The following KLHL24 variants were observed in gnomAD, a reference collection of about 807,000 sequenced individuals.
KLHL24 encodes kelch like family member 24, also known as kelch-like protein 24.
A neutral mutation model predicts 53.4 loss-of-function variants in KLHL24; 29 were observed. The ratio of observed to expected loss-of-function variants is 0.54; its 90% CI spans 0.40 to 0.74. The LOEUF (loss-of-function observed/expected upper bound fraction) is 0.74. Among genes scored for constraint, KLHL24 ranks in the 30% least tolerant of loss-of-function variants. KLHL24 has a pLI of 0.00. For missense variants in KLHL24, 504 were observed against 744.0 expected, an observed-to-expected ratio of 0.68 and a Z score of 3.75; for synonymous variants, 222 against 253.7, an observed-to-expected ratio of 0.88 and a Z score of 1.19.
At chr3:183,667,116 G>T (rs1169908178) in intron 5 of KLHL24, among the ~76,000 whole-genome samples, 1 of 152,072 alleles carries the variant, frequency 6.6e-6, no homozygotes, top group Non-Finnish European at 1.5e-5. Context: ...CCCCACAGGG[G>T]TTTCTTAAAA....
At chr3:183,678,529 CTTTTA>C (rs1397921202) in intron 7 of KLHL24, among the ~76,000 whole-genome samples, 1 of 147,008 alleles carries the variant, frequency 6.8e-6, no homozygotes, top group African/African-American at 2.6e-5. Flanking sequence ...TTTTTTTTAA[CTTTTA>C]TTTTAAGTTC....
intron 1 of KLHL24, chr3:183,636,597 C>T (rs1402674897): frequency 6.6e-6 from 1 of 152,300 alleles, no homozygotes; most frequent in Non-Finnish European, 1.5e-5. Context: ...TCTGGACACC[C>T]CGGGTGAAGA....
At chr3:183,653,049 AACTT>A (rs1363170792) in intron 3 of KLHL24, among the ~76,000 whole-genome samples, 1 of 152,208 alleles carries the variant, frequency 6.6e-6, no homozygotes, top group African/African-American at 2.4e-5. Flanking sequence ...TACTTCTCCT[AACTT>A]ACTTAATTAT....
chr3:183,669,903 A>G (rs1721109691), intron 5 of KLHL24, among the ~76,000 whole-genome samples: 1 of 152,168 alleles, frequency 6.6e-6, no homozygotes, highest in South Asian at 2.1e-4. Flanking sequence ...AGTGGGACTT[A>G]ATAGTTAATT....
At position 183,679,070 on chromosome 3, in the gene KLHL24, ATATT is replaced by A. The variant is rs781579223; in HGVS notation, c.1603-14_1603-11del. On this transcript the variant is annotated splice_polypyrimidine_tract_variant and intron_variant, in intron 7 of 7. Transcript: ENST00000242810. ...CTTCAATGGTTAATTTTTTGTTTAT[ATATT>A]TGGTTAAACAGGAAAACTGTGGTAT... 11 of 1,596,206 alleles carry A rather than the reference ATATT, an allele frequency of 6.9e-6. No individual in the cohort carries two copies. In the South Asian group the frequency reaches 1.2e-4, roughly 18 times the overall value.
chr3:183,664,931 C>T lies in KLHL24; in HGVS notation c.1116C>T (p.Ile372=), dbSNP rs941871768. Residue 372 remains isoleucine, a synonymous_variant, in exon 5 of 8, where the codon ATC becomes ATT. Coordinates refer to ENST00000242810, the MANE Select transcript of KLHL24 (RefSeq NM_017644.3). ...GTTTTGCATTTCAAGGTGGAAGAATCAACAGCCGTGATGTCTGGATTTATA... is the reference window on the plus strand; with the variant it reads ...GTTTTGCATTTCAAGGTGGAAGAATTAACAGCCGTGATGTCTGGATTTATA... ...RNDILVSGGR[I]NSRDVWIYNS... is the part of the protein sequence containing the mutation. 1.9e-6 allele frequency: 3 copies of T among 1,601,070 alleles called. No homozygotes were observed. The highest frequency in any genetic ancestry group is 3.4e-5 in the Admixed American group (2 of 59,592).
At position 183,683,770 on chromosome 3, in the gene KLHL24, C is replaced by A. The variant is rs1712925924; in HGVS notation, c.*4484C>A. 6.6e-6 allele frequency: 1 copy of A among 152,382 alleles called. No individual in the cohort carries two copies. The highest frequency in any genetic ancestry group is 2.4e-5 in the African/African-American group (1 of 41,330). The allele number at this position is 152,382 out of a possible 1,614,324, so 9.4% of individuals were successfully genotyped here. On this transcript the variant is annotated 3_prime_UTR_variant, in exon 8 of 8. Transcript: ENST00000242810. ...ACTGCACCTGAATTTGTTTATGTGC[C>A]TTAAGTTCTCTAGTGCTATTTCAAC...
At chr3:183,674,050 A>T (rs1721728614) in intron 7 of KLHL24, among the ~76,000 whole-genome samples, 1 of 152,168 alleles carries the variant, frequency 6.6e-6, no homozygotes, top group African/African-American at 2.4e-5. Flanking sequence ...TTAACCTAGA[A>T]ACTTAATTTA....
Position 183,672,444 on chromosome 3 carries a change from A to T in KLHL24, c.1562A>T (p.Glu521Val), listed in dbSNP as rs1381940708. 1 of 1,612,710 alleles carries T rather than the reference A, an allele frequency of 6.2e-7. No individual in the cohort carries two copies. ...GCAATATACTGTTACGATCCAGTTGAAGATTACTGGATGCACGTACAGAAT... is the reference window on the plus strand; with the variant it reads ...GCAATATACTGTTACGATCCAGTTGTAGATTACTGGATGCACGTACAGAAT... ...TKAIYCYDPVEDYWMHVQNTF... is the reference protein window; with the variant it reads ...TKAIYCYDPVVDYWMHVQNTF... Residue 521 changes from glutamate (E) to valine (V), a missense_variant, in exon 7 of 8, where the codon GAA (glutamate) becomes GTA (valine). By Grantham distance (121) the Glu-to-Val change is moderately radical. Coordinates refer to ENST00000242810, the MANE Select transcript of KLHL24 (RefSeq NM_017644.3).
chr3:183,677,133 C>G (rs1290050570), intron 7 of KLHL24, among the ~76,000 whole-genome samples: 1 of 151,748 alleles, frequency 6.6e-6, no homozygotes, highest in African/African-American at 2.4e-5. Flanking sequence ...GATATGAATA[C>G]TTGGTTTCAA....
chr3:183,639,058 G>T (rs1411730835), intron 1 of KLHL24, among the ~76,000 whole-genome samples: 1 of 151,698 alleles, frequency 6.6e-6, no homozygotes, highest in Non-Finnish European at 1.5e-5. Context: ...AAAATTAGCC[G>T]GGTGTGGCCG....
Position 183,663,775 on chromosome 3 carries a change from C to A in KLHL24, c.1105+133C>A. 1 of 522,620 alleles carries A rather than the reference C, an allele frequency of 1.9e-6. No homozygotes were observed. The highest frequency in any genetic ancestry group is 3.1e-6 in the Non-Finnish European group (1 of 323,642). 32.4% of individuals were successfully genotyped at this position (522,620 alleles called of 1,614,324 possible). A position where few individuals can be genotyped will look rare whatever the true frequency, so the allele number is the denominator to read the frequency against. On this transcript the variant is annotated intron_variant, in intron 4 of 7. Transcript: ENST00000242810. This position sits in a 1 kb window ranked among gnomAD's most constrained non-coding sequence, Gnocchi z 4.9. ...GAAGATCAGTTTACAACAAATAAAA[C>A]CAAGAATGACTTTTTGCTCTTAAAA...
intron 2 of KLHL24, among the ~76,000 whole-genome samples, chr3:183,644,435 G>T (rs573761508): frequency 6.6e-6 from 1 of 152,284 alleles, no homozygotes; most frequent in East Asian, 1.9e-4. Context: ...AGGAAGTCAA[G>T]ATGCCCAAAA....
chr3:183,680,444 G>A lies in KLHL24; in HGVS notation c.*1158G>A, dbSNP rs1373209473. 6.6e-6 allele frequency: 1 copy of A among 152,116 alleles called. No homozygotes were observed. Among genetic ancestry groups the A allele is most frequent in the Admixed American group, 6.6e-5 (1 of 15,264 alleles). 9.4% of individuals were successfully genotyped at this position (152,116 alleles called of 1,614,324 possible). A position where few individuals can be genotyped will look rare whatever the true frequency, so the allele number is the denominator to read the frequency against. On this transcript the variant is annotated 3_prime_UTR_variant, in exon 8 of 8. Coordinates refer to ENST00000242810, the MANE Select transcript of KLHL24 (RefSeq NM_017644.3). ...AATTCCTGAGAGTCTCTACTGTTAA[G>A]GTACCTTTAATAGGATAAAGCAGGG... is the stretch of plus-strand genomic sequence containing the variant.
intron 5 of KLHL24, among the ~76,000 whole-genome samples, chr3:183,668,691 G>C (rs1004034438): frequency 1.3e-5 from 2 of 152,156 alleles, no homozygotes; most frequent in African/African-American, 4.8e-5. Flanking sequence ...CAAATCACAA[G>C]GTCAGGAGTT....
chr3:183,650,489 G>C lies in KLHL24; in HGVS notation c.133G>C (p.Gly45Arg). ...TCATGAGTTTTTTGACTTCTCTTCA[G>C]GATCATCCCATGCCGAAAACATACT... is the stretch of plus-strand genomic sequence containing the variant. ...TGHEFFDFSSGSSHAENILQI... is the reference protein window; with the variant it reads ...TGHEFFDFSSRSSHAENILQI... Residue 45 changes from glycine (G) to arginine (R), a missense_variant, in exon 3 of 8, where the codon GGA (glycine) becomes CGA (arginine). Transcript: ENST00000242810. The surrounding 1 kb of genome is among the most constrained non-coding windows in gnomAD (Gnocchi z 4.5). 6.2e-7 allele frequency: 1 copy of C among 1,614,068 alleles called. No homozygotes were observed. Among genetic ancestry groups the C allele is most frequent in the Non-Finnish European group, 8.5e-7 (1 of 1,179,996 alleles).
intron 3 of KLHL24, among the ~76,000 whole-genome samples, chr3:183,659,090 G>C (rs545698526): frequency 6.6e-6 from 1 of 152,038 alleles, no homozygotes; most frequent in Non-Finnish European, 1.5e-5. Flanking sequence ...CTTTTTTAGT[G>C]TAGATGATTG....
chr3:183,637,172 G>A (rs564637398), intron 1 of KLHL24, among the ~76,000 whole-genome samples: 14 of 152,254 alleles, frequency 9.2e-5, no homozygotes, highest in Admixed American at 3.9e-4. Flanking sequence ...TTGCTCTTGT[G>A]GGCAGCTTTT....
At position 183,650,620 on chromosome 3, in the gene KLHL24, C is replaced by T; in HGVS notation, c.264C>T (p.Ser88=). The T allele has an allele frequency of 6.2e-7, 1 of 1,614,160 alleles. No homozygotes were observed. The highest frequency in any genetic ancestry group is 8.5e-7 in the Non-Finnish European group (1 of 1,180,036). ...PCHRAVLSAC[S]SYFRAMFCND... ...ATAGAGCTGTGCTCTCAGCCTGTAG[C>T]AGCTACTTCAGAGCTATGTTTTGTA... The change falls in exon 3 of 8, where the codon AGC becomes AGT. Residue 88 remains serine, a synonymous_variant. Transcript: ENST00000242810. This position sits in a 1 kb window ranked among gnomAD's most constrained non-coding sequence, Gnocchi z 4.5.
Sources: gnomAD v4.1 joint callset for allele counts (sites outside exome capture counted in the v4.1 genomes callset) on GRCh38, gnomAD v4.1.1 for gene constraint, Gnocchi (gnomAD v3.1) non-coding constraint, MANE v1.5 for transcripts, NCBI Gene and HGNC (gene_info 2026-07-23, HGNC 2026-07-21) for gene names.